The following SHLD2 variants were observed in gnomAD, a reference collection of about 807,000 sequenced individuals.
SHLD2 encodes shieldin complex subunit 2.
In SHLD2, 30 loss-of-function variants were observed where a neutral mutation model predicts 73.2. That is an observed-to-expected ratio of 0.41 (90% CI 0.31 to 0.56). SHLD2 has a LOEUF of 0.56. Among genes scored for constraint, SHLD2 ranks in the 20% least tolerant of loss-of-function variants. SHLD2 has a pLI of 0.28. For missense variants in SHLD2, 745 were observed against 1,055.9 expected, an observed-to-expected ratio of 0.71 and a Z score of 4.08; for synonymous variants, 285 against 370.1, an observed-to-expected ratio of 0.77 and a Z score of 2.64.
chr10:87,154,834 G>C (rs1476576534), intron 3 of SHLD2, among the ~76,000 whole-genome samples: 1 of 152,178 alleles, frequency 6.6e-6, no homozygotes, highest in Non-Finnish European at 1.5e-5. Flanking sequence ...TTTAGAAGAA[G>C]AAAACTTCGA....
chr10:87,110,384 C>T (rs553456475), intron 2 of SHLD2, among the ~76,000 whole-genome samples: 4 of 152,076 alleles, frequency 2.6e-5, no homozygotes, highest in East Asian at 1.9e-4. Context: ...CCGAGGCGGG[C>T]GGATCACAAG....
chr10:87,147,815 TTC>T (rs1257735537), intron 2 of SHLD2, among the ~76,000 whole-genome samples: 1 of 152,102 alleles, frequency 6.6e-6, no homozygotes, highest in Non-Finnish European at 1.5e-5. Flanking sequence ...TGCCCCAGGC[TTC>T]TCTCTTCTAG....
At chr10:87,114,681 C>T (rs1162049866) in intron 2 of SHLD2, among the ~76,000 whole-genome samples, 8 of 151,978 alleles carry the variant, frequency 5.3e-5, no homozygotes, top group East Asian at 1.9e-4. Flanking sequence ...GCCGAGATTG[C>T]GCCACTGCAC....
At chr10:87,121,107 A>G (rs1292951252) in intron 2 of SHLD2, among the ~76,000 whole-genome samples, 1 of 152,026 alleles carries the variant, frequency 6.6e-6, no homozygotes, top group Non-Finnish European at 1.5e-5. Flanking sequence ...ACCTTGGTTT[A>G]AATCCTGGCT....
Position 87,151,821 on chromosome 10 carries a change from C to T in SHLD2, c.467C>T (p.Pro156Leu). ...AGAGATGAACAGCCTAAACATCAGC[C>T]AGATATATGTGGTAAGAACTTTAAC... ...KIRDEQPKHQ[P>L]DICGKNFNTN... The change falls in exon 3 of 10, where the codon CCA becomes CTA. Residue 156 changes from proline (P) to leucine (L), a missense_variant. Around this residue, in one of 5 missense-constraint regions of SHLD2, gnomAD observed 280 missense variants for 353.9 expected, o/e 0.79. Coordinates refer to ENST00000298786, the MANE Select transcript of SHLD2 (RefSeq NM_001330112.2). 6.2e-7 allele frequency: 1 copy of T among 1,611,842 alleles called. No homozygotes were observed. The highest frequency in any genetic ancestry group is 1.1e-5 in the South Asian group (1 of 90,974).
chr10:87,152,873 C>T lies in SHLD2; in HGVS notation c.1519C>T (p.Leu507Phe). ...AGTGTTTCTTGGAGATATAATTTTACTCACAGGTGAGGTCATTATGGTATA... is the reference window on the plus strand; with the variant it reads ...AGTGTTTCTTGGAGATATAATTTTATTCACAGGTGAGGTCATTATGGTATA... ...FTVFLGDIILLTDVVIHEDQW... is the reference protein window; with the variant it reads ...FTVFLGDIILFTDVVIHEDQW... The change falls in exon 3 of 10, where the codon CTC becomes TTC. Residue 507 changes from leucine to phenylalanine, a missense_variant. Physicochemically the swap from Leu to Phe is conservative, Grantham distance 22. Coordinates refer to ENST00000298786, the MANE Select transcript of SHLD2 (RefSeq NM_001330112.2). 1 of 1,611,240 alleles carries T rather than the reference C, an allele frequency of 6.2e-7. No individual in the cohort carries two copies. Among genetic ancestry groups the T allele is most frequent in the Non-Finnish European group, 8.5e-7 (1 of 1,179,638 alleles).
intron 2 of SHLD2, among the ~76,000 whole-genome samples, chr10:87,142,922 C>CTTTT (rs71269253): frequency 6.0e-5 from 5 of 83,170 alleles, no homozygotes; most frequent in South Asian, 4.2e-4. Context: ...TTTATTTTTA[C>CTTTT]TTTTTTTTTT....
chr10:87,172,607 C>T (rs1238111917), intron 6 of SHLD2, among the ~76,000 whole-genome samples: 2 of 151,792 alleles, frequency 1.3e-5, no homozygotes, highest in Non-Finnish European at 2.9e-5. Context: ...CCTTGGGAGG[C>T]TGAGGTGGGT....
At chr10:87,190,239 A>C (rs924492094) in intron 9 of SHLD2, among the ~76,000 whole-genome samples, 2 of 152,140 alleles carry the variant, frequency 1.3e-5, no homozygotes, top group African/African-American at 4.8e-5. Context: ...TTGTATTTTT[A>C]GTAGAGACAG....
chr10:87,108,291 C>T (rs551234295), intron 2 of SHLD2, among the ~76,000 whole-genome samples: 21 of 152,286 alleles, frequency 1.4e-4, no homozygotes, highest in Admixed American at 6.5e-4. Context: ...TCAGGTGATC[C>T]GCCCTCCTTG....
chr10:87,176,995 A>G (rs1227083850), intron 7 of SHLD2, among the ~76,000 whole-genome samples: 1 of 151,794 alleles, frequency 6.6e-6, no homozygotes, highest in Non-Finnish European at 1.5e-5. Context: ...TACTATTTTC[A>G]AAAATGGAAG....
chr10:87,184,811 C>T (rs1848516676), intron 8 of SHLD2, among the ~76,000 whole-genome samples: 1 of 152,292 alleles, frequency 6.6e-6, no homozygotes, highest in South Asian at 2.1e-4. Flanking sequence ...GCTGCTTTAT[C>T]AGAGAGGCCT....
rs867419226 is a variant in SHLD2 at position 87,161,872 on chromosome 10, A to C, written c.1633+3717A>C. Among the ~76,000 whole-genome samples the C allele has an allele frequency of 3.4e-4, 51 of 151,936 alleles. No individual in the cohort carries two copies. In the South Asian group the frequency reaches 9.4e-3, roughly 28 times the overall value. ...TTACCAGATGTTAAAACATACTATA[A>C]AGCCTCTGTAATTAAAACAGTGAAG... On this transcript the variant is annotated intron_variant, in intron 4 of 9. Coordinates refer to ENST00000298786, the MANE Select transcript of SHLD2 (RefSeq NM_001330112.2).
chr10:87,141,539 AG>A (rs1333663090), intron 2 of SHLD2, among the ~76,000 whole-genome samples: 2 of 152,062 alleles, frequency 1.3e-5, no homozygotes, highest in Non-Finnish European at 2.9e-5. Flanking sequence ...CACGTTAGCC[AG>A]GCTGGTCTCA....
In SHLD2 at chr10:87,152,414, A is replaced by G. The variant is rs919959777; in HGVS notation, c.1060A>G (p.Ile354Val). ...SSEDELPPNE[I>V]RIELCSSGIL... The stretch of plus-strand genomic sequence containing the variant: ...TGAAGATGAACTGCCACCAAATGAG[A>G]TACGTATTGAGTTGTGTAGCTCAGG... The change falls in exon 3 of 10, where the codon ATA becomes GTA. Residue 354 changes from isoleucine to valine, a missense_variant. Physicochemically the swap from Ile to Val is conservative, Grantham distance 29. Coordinates refer to ENST00000298786, the MANE Select transcript of SHLD2 (RefSeq NM_001330112.2). 7.5e-6 allele frequency: 12 copies of G among 1,602,840 alleles called. No individual in the cohort carries two copies. The highest frequency in any genetic ancestry group is 6.7e-5 in the African/African-American group (5 of 74,208).
chr10:87,185,511 T>C (rs1183718789), intron 8 of SHLD2, among the ~76,000 whole-genome samples: 1 of 152,214 alleles, frequency 6.6e-6, no homozygotes, highest in Non-Finnish European at 1.5e-5. Flanking sequence ...CCAAAATTGC[T>C]GCACAATTTT....
chr10:87,107,996 G>A (rs1237531938), intron 2 of SHLD2, among the ~76,000 whole-genome samples: 1 of 151,992 alleles, frequency 6.6e-6, no homozygotes, highest in Non-Finnish European at 1.5e-5. Flanking sequence ...CAGTTCTCGT[G>A]CCTCAGCCTC....
At chr10:87,134,760 T>G (rs1388049447) in intron 2 of SHLD2, among the ~76,000 whole-genome samples, 1 of 152,098 alleles carries the variant, frequency 6.6e-6, no homozygotes, top group Admixed American at 6.6e-5. Flanking sequence ...CACCCCACAC[T>G]CTGGCAGTCC....
chr10:87,161,524 T>C (rs961467118), intron 4 of SHLD2, among the ~76,000 whole-genome samples: 1 of 152,168 alleles, frequency 6.6e-6, no homozygotes, highest in Non-Finnish European at 1.5e-5. Flanking sequence ...AAAACTCATT[T>C]ACTATAGTAA....
Sources: allele counts gnomAD v4.1 joint callset (sites outside exome capture counted in the v4.1 genomes callset), GRCh38; gene constraint gnomAD v4.1.1; regional missense constraint gnomAD v4.1.1; transcripts MANE v1.5; gene names NCBI Gene and HGNC (gene_info 2026-07-23, HGNC 2026-07-21).